The following RBMS3 variants were observed in gnomAD, a reference collection of about 807,000 sequenced individuals.
RBMS3 encodes RNA binding motif single stranded interacting protein 3.
Under a neutral mutation model 66.8 loss-of-function variants are expected in RBMS3, and 27 were observed. The ratio of observed to expected loss-of-function variants is 0.40; its 90% CI spans 0.30 to 0.56. The LOEUF is 0.56. Ranked by LOEUF, RBMS3 falls within the 20% of genes least tolerant of loss-of-function variation. The pLI, the probability that RBMS3 is intolerant of heterozygous loss-of-function variation, is 0.40. For synonymous variants in RBMS3, 188 were observed against 183.0 expected, an observed-to-expected ratio of 1.03 and a Z score of -0.22; for missense variants, 513 against 549.5, an observed-to-expected ratio of 0.93 and a Z score of 0.66.
At chr3:29,777,744 A>G (rs906072417) in intron 6 of RBMS3, among the ~76,000 whole-genome samples, 1 of 151,960 alleles carries the variant, frequency 6.6e-6, no homozygotes, top group Admixed American at 6.6e-5. Flanking sequence ...AATATAAAAT[A>G]AATGCGTTGG....
intron 6 of RBMS3, among the ~76,000 whole-genome samples, chr3:29,817,855 T>C (rs145606811): frequency 3.9e-5 from 6 of 152,198 alleles, no homozygotes; most frequent in South Asian, 2.1e-4. Context: ...TTCAACAGTC[T>C]ACTTCAGTAG....
intron 7 of RBMS3, among the ~76,000 whole-genome samples, chr3:29,878,275 G>A (rs2059657208): frequency 2.0e-5 from 3 of 152,006 alleles, no homozygotes. Flanking sequence ...ACTGGTTTGC[G>A]GCCCCAGGGT....
At chr3:29,544,198 C>T (rs1241592919) in intron 3 of RBMS3, among the ~76,000 whole-genome samples, 1 of 152,020 alleles carries the variant, frequency 6.6e-6, no homozygotes, top group African/African-American at 2.4e-5. Context: ...AGATTATCTA[C>T]TAATTCAGTT....
intron 7 of RBMS3, among the ~76,000 whole-genome samples, chr3:29,872,591 A>G (rs2059518368): frequency 6.6e-6 from 1 of 152,296 alleles, no homozygotes; most frequent in South Asian, 2.1e-4. Flanking sequence ...GTTCACTTCC[A>G]TATACTAGAA....
At chr3:29,551,989 G>A (rs1018196126) in intron 3 of RBMS3, among the ~76,000 whole-genome samples, 3 of 140,446 alleles carry the variant, frequency 2.1e-5, no homozygotes, top group African/African-American at 5.6e-5. Flanking sequence ...AATAAAAATT[G>A]TTCTAACTCA....
chr3:29,991,215 TCTGGG>T lies in RBMS3; in HGVS notation c.1307+10_1307+14del, dbSNP rs765544838. Reference sequence around the variant, plus strand: ...TATTCTTACCAACAGTCTAAGTAAGTCTGGGCTGTGCTAAGCTCTTTTCCTCAAGA... The same window carrying T: ...TATTCTTACCAACAGTCTAAGTAAGTCTGTGCTAAGCTCTTTTCCTCAAGA... On this transcript the variant is annotated splice_region_variant and intron_variant, in intron 14 of 14. Coordinates refer to ENST00000383767, the MANE Select transcript of RBMS3 (RefSeq NM_001003793.3). 3.7e-6 allele frequency: 6 copies of T among 1,614,106 alleles called. No individual in the cohort carries two copies. In the South Asian group the frequency reaches 6.6e-5, roughly 18 times the overall value.
At chr3:29,590,389 G>A (rs928305384) in intron 4 of RBMS3, among the ~76,000 whole-genome samples, 2 of 152,010 alleles carry the variant, frequency 1.3e-5, no homozygotes, top group African/African-American at 4.8e-5. Flanking sequence ...AATAAATATT[G>A]TTATACATTT....
chr3:29,425,826 A>G (rs73042562), intron 1 of RBMS3, among the ~76,000 whole-genome samples: 3,913 of 152,278 alleles, frequency 0.026, 69 homozygotes, highest in East Asian at 0.04. Context: ...AAATCTCCAT[A>G]AAGAGTTTCT....
At chr3:29,377,019 G>A (rs978746540) in intron 1 of RBMS3, among the ~76,000 whole-genome samples, 1 of 152,112 alleles carries the variant, frequency 6.6e-6, no homozygotes, top group Non-Finnish European at 1.5e-5. Context: ...AGTCTGGGAG[G>A]CGGAGGTTGA....
In RBMS3 at chr3:29,463,076, G is replaced by C. The variant is rs1220871557; in HGVS notation, c.249-25365G>C. The stretch of plus-strand genomic sequence containing the variant: ...AGAAAAGTACACAGTATATTTTAAA[G>C]AGATCTGATTTAAGCTGGAGAGGAG... On this transcript the variant is annotated intron_variant, in intron 2 of 14. Transcript: ENST00000383767. 3.3e-5 allele frequency among the ~76,000 whole-genome samples: 5 copies of C among 152,188 alleles called. No individual in the cohort carries two copies. The East Asian group carries it at 9.6e-4, about 29-fold the overall frequency.
intron 6 of RBMS3, among the ~76,000 whole-genome samples, chr3:29,780,628 C>T (rs1164373061): frequency 6.6e-6 from 1 of 151,852 alleles, no homozygotes; most frequent in African/African-American, 2.4e-5. Context: ...GAATATTTTC[C>T]CAAAAACCAG....
At chr3:29,343,251 A>G (rs2036385441) in intron 1 of RBMS3, among the ~76,000 whole-genome samples, 1 of 152,146 alleles carries the variant, frequency 6.6e-6, no homozygotes, top group African/African-American at 2.4e-5. Flanking sequence ...TGCATAAATA[A>G]TGCCGTTTGG....
chr3:29,914,386 C>G (rs2060588565), intron 10 of RBMS3, among the ~76,000 whole-genome samples: 1 of 151,796 alleles, frequency 6.6e-6, no homozygotes, highest in Non-Finnish European at 1.5e-5. Flanking sequence ...AGGTTTGCCA[C>G]CCAAGAAGGG....
intron 4 of RBMS3, among the ~76,000 whole-genome samples, chr3:29,686,704 C>A (rs2051748364): frequency 6.6e-6 from 1 of 152,132 alleles, no homozygotes; most frequent in African/African-American, 2.4e-5. Flanking sequence ...CAAATAATTA[C>A]AAAGAATAGG....
At chr3:29,489,869 C>G (rs1204922998) in intron 3 of RBMS3, among the ~76,000 whole-genome samples, 3 of 150,890 alleles carry the variant, frequency 2.0e-5, no homozygotes, top group Non-Finnish European at 4.4e-5. Flanking sequence ...ATGGTGAAAC[C>G]CTGTCTCTAC....
chr3:29,936,329 A>G (rs566229584), intron 11 of RBMS3, 133 bp downstream of exon 11: 42 of 853,394 alleles, frequency 4.9e-5, no homozygotes, highest in Admixed American at 2.1e-5. Flanking sequence ...AGGTTTCAGT[A>G]TGAATAAGCT....
At chr3:29,974,656 AT>A (rs1697439256) in intron 12 of RBMS3, among the ~76,000 whole-genome samples, 1 of 151,362 alleles carries the variant, frequency 6.6e-6, no homozygotes. Flanking sequence ...AATTTGTCTT[AT>A]TTTTAAGCTT....
At chr3:29,352,628 A>C (rs2036982311) in intron 1 of RBMS3, among the ~76,000 whole-genome samples, 2 of 152,058 alleles carry the variant, frequency 1.3e-5, no homozygotes, top group African/African-American at 4.8e-5. Flanking sequence ...TGAAATATAC[A>C]ATACATTGTT....
intron 2 of RBMS3, among the ~76,000 whole-genome samples, chr3:29,469,133 G>T (rs771634964): frequency 1.3e-5 from 2 of 152,074 alleles, no homozygotes; most frequent in Non-Finnish European, 2.9e-5. Context: ...ATTTAGATTT[G>T]TCCATCAAGT....
Sources: gnomAD v4.1 joint callset for allele counts (sites outside exome capture counted in the v4.1 genomes callset) on GRCh38, gnomAD v4.1.1 for gene constraint, MANE v1.5 for transcripts, NCBI Gene and HGNC (gene_info 2026-07-23, HGNC 2026-07-21) for gene names.